The following MYRIP variants were observed in gnomAD, a reference collection of about 807,000 sequenced individuals.
The protein encoded by MYRIP is rab effector MyRIP.
Under a neutral mutation model 98.0 loss-of-function variants are expected in MYRIP, and 49 were observed. The observed-to-expected ratio is 0.50, with a 90% CI of 0.40 to 0.63. MYRIP has a LOEUF of 0.63. Ranked by LOEUF, MYRIP falls within the 30% of genes least tolerant of loss-of-function variation. The pLI is 0.00. For missense variants in MYRIP, 1,004 were observed against 1,058.2 expected, an observed-to-expected ratio of 0.95 and a Z score of 0.71; for synonymous variants, 404 against 409.5, an observed-to-expected ratio of 0.99 and a Z score of 0.16.
At chr3:39,879,327 A>T (rs1353133231) in intron 1 of MYRIP, among the ~76,000 whole-genome samples, 5 of 150,954 alleles carry the variant, frequency 3.3e-5, no homozygotes, top group African/African-American at 1.2e-4. Flanking sequence ...GCAAATCCCA[A>T]CATCTGGGTT....
chr3:40,017,199 A>G (rs7635235), intron 2 of MYRIP, among the ~76,000 whole-genome samples: 2,631 of 152,326 alleles, frequency 0.017, 69 homozygotes, highest in African/African-American at 0.058. Flanking sequence ...TTCCTTGCAC[A>G]TCCAGGAATG....
At chr3:39,914,304 G>A (rs905265412) in intron 2 of MYRIP, among the ~76,000 whole-genome samples, 1 of 152,044 alleles carries the variant, frequency 6.6e-6, no homozygotes, top group Non-Finnish European at 1.5e-5. Context: ...CATACAGACA[G>A]CAGAGATGCT....
chr3:40,039,522 T>G (rs1409916977), intron 2 of MYRIP, among the ~76,000 whole-genome samples: 1 of 151,998 alleles, frequency 6.6e-6, no homozygotes, highest in Non-Finnish European at 1.5e-5. Flanking sequence ...CAGTGGGGGA[T>G]CTCAAGCAGA....
At chr3:40,059,576 GTCTT>G (rs1178204558) in intron 3 of MYRIP, among the ~76,000 whole-genome samples, 2 of 152,098 alleles carry the variant, frequency 1.3e-5, no homozygotes, top group African/African-American at 2.4e-5. Flanking sequence ...CCGTATAAAT[GTCTT>G]TCTTTGTTTC....
At chr3:39,879,121 G>A (rs1943096736) in intron 1 of MYRIP, among the ~76,000 whole-genome samples, 1 of 151,092 alleles carries the variant, frequency 6.6e-6, no homozygotes, top group African/African-American at 2.4e-5. Context: ...TATATATGTA[G>A]AGGGAGAGAG....
rs183509925 is a variant in MYRIP, at chr3:40,192,050, C to G, written c.1665+1587C>G. On this transcript the variant is annotated intron_variant, in intron 10 of 16. Transcript: ENST00000302541. ...TGAGCTAGTGGCAGTACCCACTCCT[C>G]TCCACTAGGTGGGGATGGTGCTGCA... is the stretch of plus-strand genomic sequence containing the variant. Among the ~76,000 whole-genome samples the G allele has an allele frequency of 4.3e-4, 66 of 151,730 alleles. 1 individual carries two copies. Among genetic ancestry groups the G allele is most frequent in the African/African-American group, 1.6e-3 (66 of 41,402 alleles).
At chr3:40,005,699 A>G (rs1428778669) in intron 2 of MYRIP, among the ~76,000 whole-genome samples, 1 of 152,214 alleles carries the variant, frequency 6.6e-6, no homozygotes, top group East Asian at 1.9e-4. Flanking sequence ...TGCCAGTTGT[A>G]TTGGAACCAT....
intron 10 of MYRIP, among the ~76,000 whole-genome samples, chr3:40,201,975 C>T (rs2887963): frequency 0.55 from 83,844 of 151,850 alleles, 23,473 homozygotes; most frequent in Non-Finnish European, 0.6. Flanking sequence ...CATCCACTTG[C>T]CTCCACCCTC....
At chr3:40,226,693 G>A (rs1172582718) in intron 11 of MYRIP, among the ~76,000 whole-genome samples, 1 of 152,230 alleles carries the variant, frequency 6.6e-6, no homozygotes, top group Non-Finnish European at 1.5e-5. Context: ...CAGTTGGAGT[G>A]ATCACAGTAT....
At chr3:40,050,431 T>G (rs1298656296) in intron 3 of MYRIP, among the ~76,000 whole-genome samples, 2 of 152,036 alleles carry the variant, frequency 1.3e-5, no homozygotes, top group Non-Finnish European at 2.9e-5. Context: ...TTACTGAATA[T>G]TTTAAGCCCA....
At chr3:40,155,807 T>A (rs1950222014) in intron 4 of MYRIP, among the ~76,000 whole-genome samples, 1 of 152,176 alleles carries the variant, frequency 6.6e-6, no homozygotes, top group Admixed American at 6.5e-5. Context: ...GAAGTGTCTG[T>A]TCATGTCCTT....
At chr3:40,212,127 CGT>C (rs1491377688) in intron 11 of MYRIP, among the ~76,000 whole-genome samples, 1 of 14,846 alleles carries the variant, frequency 6.7e-5, no homozygotes, top group African/African-American at 1.5e-4. Flanking sequence ...CATATATATA[CGT>C]GTATATATAT....
chr3:40,132,824 T>G (rs1575563343), intron 3 of MYRIP, among the ~76,000 whole-genome samples: 1 of 152,238 alleles, frequency 6.6e-6, no homozygotes, highest in South Asian at 2.1e-4. Context: ...CAGTGGCTGA[T>G]CCCACCAAAG....
At chr3:40,159,046 G>T (rs1051306929) in intron 4 of MYRIP, among the ~76,000 whole-genome samples, 5 of 151,610 alleles carry the variant, frequency 3.3e-5, no homozygotes, top group African/African-American at 1.2e-4. Context: ...TATGATGTTA[G>T]CTGGTTATTT....
At chr3:40,253,985 T>G (rs1290567923) in intron 16 of MYRIP, among the ~76,000 whole-genome samples, 1 of 152,158 alleles carries the variant, frequency 6.6e-6, no homozygotes, top group Non-Finnish European at 1.5e-5. Flanking sequence ...CTTCCTTAAA[T>G]TTTTCATTAG....
chr3:40,244,370 C>G (rs1456710341), intron 12 of MYRIP, 76 bp from the exon 13 acceptor site: 3 of 1,362,542 alleles, frequency 2.2e-6, no homozygotes, highest in African/African-American at 3.0e-5. Context: ...CCCTGAATTG[C>G]TGGGGTCCCC....
chr3:40,065,561 T>A (rs927013555), intron 3 of MYRIP, among the ~76,000 whole-genome samples: 1 of 152,178 alleles, frequency 6.6e-6, no homozygotes, highest in African/African-American at 2.4e-5. Flanking sequence ...TAGTCTGGAA[T>A]TGGCATTGGT....
At chr3:39,853,047 G>T (rs1005516265) in intron 1 of MYRIP, among the ~76,000 whole-genome samples, 1 of 152,328 alleles carries the variant, frequency 6.6e-6, no homozygotes, top group Middle Eastern at 3.4e-3. Flanking sequence ...CTCCCAGAGT[G>T]CTGGGATTAC....
At chr3:40,227,422 G>A (rs892353370) in intron 11 of MYRIP, among the ~76,000 whole-genome samples, 11 of 152,146 alleles carry the variant, frequency 7.2e-5, no homozygotes, top group Non-Finnish European at 1.0e-4. Context: ...ATGTGTGTGT[G>A]TGTGCCAGTG....
Sources: allele counts gnomAD v4.1 joint callset (sites outside exome capture counted in the v4.1 genomes callset), GRCh38; gene constraint gnomAD v4.1.1; transcripts MANE v1.5; gene names NCBI Gene and HGNC (gene_info 2026-07-23, HGNC 2026-07-21).